The following NR2F2 variants were observed in gnomAD, a reference collection of about 807,000 sequenced individuals.
The protein encoded by NR2F2 is nuclear receptor subfamily 2 group F member 2, also known as COUP transcription factor 2.
NR2F2 carries 2 observed loss-of-function variants against 34.8 expected under a neutral mutation model. That is an observed-to-expected ratio of 0.06 (90% confidence interval 0.02 to 0.18). The LOEUF is 0.18. NR2F2 is among the 10% of genes least tolerant of loss of function. NR2F2 has a pLI of 1.00. For missense variants in NR2F2, 300 were observed against 580.1 expected (o/e 0.52, Z 4.96); for synonymous variants, 274 against 251.8 (o/e 1.09, Z -0.84).
At chr15:96,329,223 T>C (rs1899066170), upstream of NR2F2, among the ~76,000 whole-genome samples, 1 of 152,236 alleles carries the variant, frequency 6.6e-6, no homozygotes. Flanking sequence ...ACAATTTTCT[T>C]GTATAAATGT....
chr15:96,335,337 A>G (rs1207624190), intron 2 of NR2F2, among the ~76,000 whole-genome samples: 5 of 152,274 alleles, frequency 3.3e-5, no homozygotes, highest in Non-Finnish European at 5.9e-5. Context: ...TGCTAGAGAT[A>G]TAAAACCATC....
Position 96,331,880 on chromosome 15 carries a change from C to A in NR2F2, c.-226C>A, listed in dbSNP as rs1306887123. 1.7e-6 allele frequency: 2 copies of A among 1,207,412 alleles called. No homozygotes were observed. The highest frequency in any genetic ancestry group is 2.1e-6 in the Non-Finnish European group (2 of 972,814). The allele number at this position is 1,207,412 out of a possible 1,614,324, so 74.8% of individuals were successfully genotyped here. A position where few individuals can be genotyped will look rare whatever the true frequency, so the allele number is the denominator to read the frequency against. Reference sequence around the variant, plus strand: ...AACAAACAAAACAAACACACCGGGCCAGACAAGCCATCGACAAAACTTTGC... The same window carrying A: ...AACAAACAAAACAAACACACCGGGCAAGACAAGCCATCGACAAAACTTTGC... On this transcript the variant is annotated 5_prime_UTR_variant, in exon 1 of 3. Coordinates refer to ENST00000394166, the MANE Select transcript of NR2F2 (RefSeq NM_021005.4).
At chr15:96,329,692 C>CGGCT (rs1314092380), upstream of NR2F2, among the ~76,000 whole-genome samples, 1 of 152,084 alleles carries the variant, frequency 6.6e-6, no homozygotes, top group Non-Finnish European at 1.5e-5. Flanking sequence ...GGAGGCTGGG[C>CGGCT]GGCTGCCTCC....
Position 96,331,067 on chromosome 15 carries a change from AGCGGCTCCGGCG to A in NR2F2, c.-1033_-1022del, listed in dbSNP as rs1222979637. On this transcript the variant is annotated 5_prime_UTR_variant, in exon 1 of 3. Transcript: ENST00000394166. ...AGGCGGCGGCGGCAGCAGCAGCAGCAGCGGCTCCGGCGGCGGCAGCAGCGGCAGCAGCGACTT... is the reference window on the plus strand; with the variant it reads ...AGGCGGCGGCGGCAGCAGCAGCAGCAGCGGCAGCAGCGGCAGCAGCGACTT... 1.8e-5 allele frequency: 22 copies of A among 1,233,876 alleles called. No homozygotes were observed. The highest frequency in any genetic ancestry group is 2.0e-5 in the Non-Finnish European group (20 of 991,712). 76.4% of individuals were successfully genotyped at this position (1,233,876 alleles called of 1,614,324 possible).
intron 2 of NR2F2, 138 bp downstream of exon 2, chr15:96,334,741 T>G: frequency 4.5e-6 from 4 of 880,166 alleles, no homozygotes; most frequent in Non-Finnish European, 5.1e-6. Flanking sequence ...AAGTGGGAAC[T>G]TTTTATAGCT....
intron 2 of NR2F2, among the ~76,000 whole-genome samples, chr15:96,335,009 G>A (rs1899281964): frequency 6.6e-6 from 1 of 152,260 alleles, no homozygotes; most frequent in African/African-American, 2.4e-5. Flanking sequence ...AGATGCCCTG[G>A]GCAGTGGAGC....
At chr15:96,336,667 A>G (rs918176410) in intron 2 of NR2F2, among the ~76,000 whole-genome samples, 2 of 151,958 alleles carry the variant, frequency 1.3e-5, no homozygotes, top group Non-Finnish European at 2.9e-5. Flanking sequence ...GTTTTAAAAA[A>G]TAAAGGGGGG....
rs1899139778 is a variant in NR2F2 at position 96,331,479 on chromosome 15, C to A, written c.-627C>A. On this transcript the variant is annotated 5_prime_UTR_variant, in exon 1 of 3. Transcript: ENST00000394166. ...CTCCTAGTCCTCCTGATTTCGATGG[C>A]TTTCCTGAATGGCTGACTGTGGGCT... 1 of 1,230,846 alleles carries A rather than the reference C, an allele frequency of 8.1e-7. No individual in the cohort carries two copies. The highest frequency in any genetic ancestry group is 1.0e-6 in the Non-Finnish European group (1 of 987,680). 76.2% of individuals were successfully genotyped at this position (1,230,846 alleles called of 1,614,324 possible).
chr15:96,334,830 A>G (rs568308656), intron 2 of NR2F2, among the ~76,000 whole-genome samples: 3 of 152,342 alleles, frequency 2.0e-5, no homozygotes, highest in African/African-American at 7.2e-5. Context: ...TAGATTCCCC[A>G]CATGGGCCAT....
Position 96,331,905 on chromosome 15 carries a change from CAAAAGCAAAAACAA to C in NR2F2, c.-195_-182del, listed in dbSNP as rs1417240399. 3.3e-6 allele frequency: 4 copies of C among 1,207,934 alleles called. No homozygotes were observed. The highest frequency in any genetic ancestry group is 4.1e-6 in the Non-Finnish European group (4 of 973,342). 74.8% of individuals were successfully genotyped at this position (1,207,934 alleles called of 1,614,324 possible). On this transcript the variant is annotated 5_prime_UTR_variant, in exon 1 of 3. Coordinates refer to ENST00000394166, the MANE Select transcript of NR2F2 (RefSeq NM_021005.4). ...CAGACAAGCCATCGACAAAACTTTG[CAAAAGCAAAAACAA>C]AAAAGGAAAAACTAACCAACCTCAA...
intron 1 of NR2F2, chr15:96,333,172 C>G (rs911323312): frequency 3.7e-5 from 7 of 189,838 alleles, no homozygotes; most frequent in Non-Finnish European, 5.7e-5. Context: ...GGCGAGGGGC[C>G]CTGGGCGGCT....
Position 96,332,121 on chromosome 15 carries a change from A to G in NR2F2, c.16A>G (p.Ser6Gly), listed in dbSNP as rs1300554944. 1.5e-6 allele frequency: 2 copies of G among 1,350,822 alleles called. No individual in the cohort carries two copies. The highest frequency in any genetic ancestry group is 2.0e-5 in the South Asian group (1 of 50,852). The allele number at this position is 1,350,822 out of a possible 1,614,324, so 83.7% of individuals were successfully genotyped here. MAMVV[S>G]TWRDPQDEVP... is the part of the protein sequence containing the mutation. ...CCCCATAGATATGGCAATGGTAGTC[A>G]GCACGTGGCGCGACCCCCAGGACGA... The change falls in exon 1 of 3, where the codon AGC becomes GGC. Residue 6 changes from serine (S) to glycine (G), a missense_variant. By Grantham distance (56) the Ser-to-Gly change is moderately conservative. Around this residue, in one of 6 missense-constraint regions of NR2F2, gnomAD observed 105 missense variants for 107.8 expected, o/e 0.97. Transcript: ENST00000394166.
At chr15:96,335,845 A>C (rs554036620) in intron 2 of NR2F2, among the ~76,000 whole-genome samples, 7 of 152,190 alleles carry the variant, frequency 4.6e-5, no homozygotes, top group African/African-American at 1.7e-4. Flanking sequence ...GCTGCTTTCC[A>C]CATAAAACCT....
intron 1 of NR2F2, among the ~76,000 whole-genome samples, chr15:96,333,002 G>A (rs1415449318): frequency 2.8e-5 from 4 of 141,480 alleles, no homozygotes; most frequent in Admixed American, 2.1e-4. Flanking sequence ...AATTACAAAT[G>A]GCAATTTTAT....
upstream of NR2F2, among the ~76,000 whole-genome samples, chr15:96,330,322 C>A (rs1899094506): frequency 6.6e-6 from 1 of 151,946 alleles, no homozygotes; most frequent in African/African-American, 2.4e-5. Flanking sequence ...GTCTCCCCGC[C>A]GGGGCGGAAA....
chr15:96,329,693 G>A (rs1271136352), upstream of NR2F2, among the ~76,000 whole-genome samples: 2 of 152,106 alleles, frequency 1.3e-5, no homozygotes, highest in Non-Finnish European at 2.9e-5. Context: ...GAGGCTGGGC[G>A]GCTGCCTCCT....
rs1899173907 is a variant in NR2F2, at chr15:96,332,393, C to T, written c.288C>T (p.Cys96=). 2 of 1,613,884 alleles carry T rather than the reference C, an allele frequency of 1.2e-6. No homozygotes were observed. Among genetic ancestry groups the T allele is most frequent in the South Asian group, 2.2e-5 (2 of 91,034 alleles). Residue 96 remains cysteine, a synonymous_variant, in exon 1 of 3, where the codon TGC becomes TGT. Coordinates refer to ENST00000394166, the MANE Select transcript of NR2F2 (RefSeq NM_021005.4). Reference sequence around the variant, plus strand: ...GCAAGCACTACGGCCAGTTCACGTGCGAGGGCTGCAAGAGCTTCTTCAAGC... The same window carrying T: ...GCAAGCACTACGGCCAGTTCACGTGTGAGGGCTGCAAGAGCTTCTTCAAGC... ...SSGKHYGQFT[C]EGCKSFFKRS...
At chr15:96,329,257 G>A (rs1596420630), upstream of NR2F2, among the ~76,000 whole-genome samples, 1 of 152,058 alleles carries the variant, frequency 6.6e-6, no homozygotes, top group South Asian at 2.1e-4. Flanking sequence ...TTCACTAACT[G>A]GTCATAAACA....
rs1899428676 is a variant in NR2F2 at position 96,339,213 on chromosome 15, C to T, written c.*1591C>T. On this transcript the variant is annotated 3_prime_UTR_variant, in exon 3 of 3. Coordinates refer to ENST00000394166, the MANE Select transcript of NR2F2 (RefSeq NM_021005.4). ...TATTTTATGATCAGAAAAAAATACT[C>T]TTTTGTACATTTCTGACAGTTACTC... 6.6e-6 allele frequency: 1 copy of T among 152,130 alleles called. No individual in the cohort carries two copies. The highest frequency in any genetic ancestry group is 2.4e-5 in the African/African-American group (1 of 41,422). 9.4% of individuals were successfully genotyped at this position (152,130 alleles called of 1,614,324 possible).
Sources: allele counts gnomAD v4.1 joint callset (sites outside exome capture counted in the v4.1 genomes callset), GRCh38; gene constraint gnomAD v4.1.1; regional missense constraint gnomAD v4.1.1; transcripts MANE v1.5; gene names NCBI Gene and HGNC (gene_info 2026-07-23, HGNC 2026-07-21).